Variants in SH3RF3 observed in about 807,000 individuals in gnomAD.
SH3RF3 encodes SH3 domain containing ring finger 3, also known as E3 ubiquitin-protein ligase SH3RF3.
SH3RF3 carries 29 observed loss-of-function variants against 66.3 expected under a neutral mutation model. The observed-to-expected ratio is 0.44, with a 90% CI of 0.33 to 0.60. The LOEUF is 0.60. SH3RF3 is among the 20% of genes least tolerant of loss of function. The pLI is 0.04. For missense variants in SH3RF3, 1,194 were observed against 1,190.9 expected (o/e 1.00, Z -0.04); for synonymous variants, 583 against 532.0 (o/e 1.10, Z -1.32).
intron 3 of SH3RF3, among the ~76,000 whole-genome samples, chr2:109,375,229 T>C (rs1292545919): frequency 6.6e-6 from 1 of 152,240 alleles, no homozygotes; most frequent in African/African-American, 2.4e-5. Context: ...CCAGCTCTTC[T>C]TCCCATGGCT....
chr2:109,446,803 C>T (rs1342385982), intron 7 of SH3RF3, among the ~76,000 whole-genome samples: 6 of 152,022 alleles, frequency 3.9e-5, no homozygotes, highest in Non-Finnish European at 5.9e-5. Flanking sequence ...CAAAGTAGTG[C>T]GGCAGGCGAG....
At chr2:109,295,681 G>T (rs866969347) in intron 1 of SH3RF3, among the ~76,000 whole-genome samples, 26 of 152,308 alleles carry the variant, frequency 1.7e-4, no homozygotes, top group Middle Eastern at 3.4e-3. Context: ...GTTGGTGTCA[G>T]GAGGCCGGCA....
intron 8 of SH3RF3, among the ~76,000 whole-genome samples, chr2:109,473,693 C>T (rs1402852680): frequency 1.3e-5 from 2 of 152,086 alleles, no homozygotes; most frequent in Non-Finnish European, 2.9e-5. Context: ...CCATGTCCTG[C>T]TGCCGTGCCC....
chr2:109,298,977 C>T (rs919413506), intron 1 of SH3RF3, among the ~76,000 whole-genome samples: 1 of 152,216 alleles, frequency 6.6e-6, no homozygotes, highest in Admixed American at 6.5e-5. Flanking sequence ...ACACGGCCCA[C>T]GCCGGCCTGC....
chr2:109,268,320 C>T (rs929371187), intron 1 of SH3RF3, among the ~76,000 whole-genome samples: 14 of 151,762 alleles, frequency 9.2e-5, no homozygotes, highest in African/African-American at 3.4e-4. Context: ...CTGGAAGACC[C>T]CCTCACCCAC....
intron 7 of SH3RF3, among the ~76,000 whole-genome samples, chr2:109,438,788 C>T (rs909191897): frequency 1.3e-5 from 2 of 152,192 alleles, no homozygotes; most frequent in Admixed American, 6.5e-5. Flanking sequence ...AAGTTGTGCT[C>T]CCTGACTGGT....
intron 8 of SH3RF3, among the ~76,000 whole-genome samples, chr2:109,489,878 C>T (rs1454105792): frequency 6.6e-6 from 1 of 152,198 alleles, no homozygotes; most frequent in African/African-American, 2.4e-5. Context: ...TCTGGGATTA[C>T]AGGCAAGTGC....
intron 1 of SH3RF3, among the ~76,000 whole-genome samples, chr2:109,248,539 C>T (rs1239668556): frequency 1.3e-5 from 2 of 152,216 alleles, no homozygotes; most frequent in African/African-American, 4.8e-5. Flanking sequence ...TGTTACTACC[C>T]TGTAGTTAAT....
intron 1 of SH3RF3, among the ~76,000 whole-genome samples, chr2:109,132,410 C>G (rs1466615220): frequency 6.6e-6 from 1 of 152,030 alleles, no homozygotes; most frequent in African/African-American, 2.4e-5. Flanking sequence ...AACTCTTTAC[C>G]TGTTGTTTTT....
At chr2:109,207,201 A>G (rs1678861165) in intron 1 of SH3RF3, among the ~76,000 whole-genome samples, 1 of 152,208 alleles carries the variant, frequency 6.6e-6, no homozygotes, top group Non-Finnish European at 1.5e-5. Flanking sequence ...ATCTTGTGCA[A>G]ACAGGTCTGT....
intron 1 of SH3RF3, among the ~76,000 whole-genome samples, chr2:109,254,957 C>A (rs1680184316): frequency 6.6e-6 from 1 of 152,186 alleles, no homozygotes. Flanking sequence ...GGATATTGAA[C>A]ACCTATGTGG....
chr2:109,408,080 G>A (rs775417752), intron 4 of SH3RF3, among the ~76,000 whole-genome samples: 2 of 152,170 alleles, frequency 1.3e-5, no homozygotes, highest in Non-Finnish European at 2.9e-5. Context: ...CTCTGGGTGG[G>A]CACTTGCTGG....
At chr2:109,264,326 C>T (rs1286967896) in intron 1 of SH3RF3, among the ~76,000 whole-genome samples, 5 of 150,456 alleles carry the variant, frequency 3.3e-5, no homozygotes, top group South Asian at 2.1e-4. Context: ...GTGTGCTCCC[C>T]GTTCACCTCC....
At chr2:109,407,438 C>T (rs1573227111) in intron 4 of SH3RF3, among the ~76,000 whole-genome samples, 1 of 152,198 alleles carries the variant, frequency 6.6e-6, no homozygotes, top group Admixed American at 6.5e-5. Flanking sequence ...TATGCAGCTT[C>T]CTGTGTTGGC....
chr2:109,474,031 C>T (rs1436041434), intron 8 of SH3RF3, among the ~76,000 whole-genome samples: 1 of 152,184 alleles, frequency 6.6e-6, no homozygotes, highest in Non-Finnish European at 1.5e-5. Context: ...TGGAGACTTT[C>T]TGTGCCTCTG....
chr2:109,441,455 A>G (rs546064363), intron 7 of SH3RF3, among the ~76,000 whole-genome samples: 1 of 152,318 alleles, frequency 6.6e-6, no homozygotes, highest in East Asian at 1.9e-4. Context: ...TGAAGAAAAA[A>G]TATTTGTAAA....
intron 1 of SH3RF3, among the ~76,000 whole-genome samples, chr2:109,192,630 A>T (rs763849035): frequency 1.1e-4 from 17 of 152,344 alleles, no homozygotes; most frequent in East Asian, 5.8e-4. Flanking sequence ...GGAAGTAAAT[A>T]TACAGAAGGT....
intron 1 of SH3RF3, among the ~76,000 whole-genome samples, chr2:109,216,566 C>T (rs879531722): frequency 6.6e-6 from 1 of 152,136 alleles, no homozygotes; most frequent in Admixed American, 6.5e-5. Context: ...ACACACAGCC[C>T]GAAGCCTGAG....
chr2:109,412,308 T>C (rs1482752967), intron 4 of SH3RF3, among the ~76,000 whole-genome samples: 1 of 152,198 alleles, frequency 6.6e-6, no homozygotes, highest in Non-Finnish European at 1.5e-5. Context: ...TCCAGGACAT[T>C]GGGAGGTGGA....
Sources: gnomAD v4.1 joint callset for allele counts (sites outside exome capture counted in the v4.1 genomes callset) on GRCh38, gnomAD v4.1.1 for gene constraint, MANE v1.5 for transcripts, NCBI Gene and HGNC (gene_info 2026-07-23, HGNC 2026-07-21) for gene names.